The following KSR2 variants were observed in gnomAD, a reference collection of about 807,000 sequenced individuals.
KSR2 encodes the protein kinase suppressor of ras 2.
In KSR2, 25 loss-of-function variants were observed where a neutral mutation model predicts 107.8. The ratio of observed to expected loss-of-function variants is 0.23; its 90% CI spans 0.17 to 0.32. The LOEUF is 0.32. Among genes scored for constraint, KSR2 ranks in the 10% least tolerant of loss-of-function variants. The pLI is 1.00. For synonymous variants in KSR2, 480 were observed against 507.0 expected, an observed-to-expected ratio of 0.95 and a Z score of 0.71; for missense variants, 887 against 1,268.9, an observed-to-expected ratio of 0.70 and a Z score of 4.57.
intron 5 of KSR2, among the ~76,000 whole-genome samples, chr12:117,657,517 G>A (rs1025951801): frequency 6.6e-6 from 1 of 152,188 alleles, no homozygotes; most frequent in African/African-American, 2.4e-5. Context: ...ATAAAGAGCT[G>A]CTTATTTTTC....
chr12:117,847,698 C>CCTGCCCACCTGTCTGGCT (rs1171070351), intron 3 of KSR2, among the ~76,000 whole-genome samples: 1 of 152,190 alleles, frequency 6.6e-6, no homozygotes, highest in Non-Finnish European at 1.5e-5. Context: ...GGGGGCTGGC[C>CCTGCCCACCTGTCTGGCT]CTGCCCACCT....
chr12:117,850,271 G>A (rs138742160), intron 3 of KSR2, among the ~76,000 whole-genome samples: 241 of 152,226 alleles, frequency 1.6e-3, no homozygotes, highest in Middle Eastern at 0.014. Flanking sequence ...GGTAGCCAAG[G>A]CAAGAGGTCA....
At chr12:117,697,485 G>A (rs193100884) in intron 4 of KSR2, among the ~76,000 whole-genome samples, 1 of 152,340 alleles carries the variant, frequency 6.6e-6, no homozygotes, top group Admixed American at 6.5e-5. Flanking sequence ...GCCCATGCCT[G>A]TAACCCTAGC....
intron 14 of KSR2, among the ~76,000 whole-genome samples, chr12:117,507,099 C>T (rs922244350): frequency 6.6e-6 from 1 of 152,202 alleles, no homozygotes; most frequent in Non-Finnish European, 1.5e-5. Flanking sequence ...CTATTTGCCC[C>T]TCACATCTGC....
At chr12:117,614,486 GACCATATCTCC>G (rs1288559739) in intron 5 of KSR2, among the ~76,000 whole-genome samples, 3 of 152,160 alleles carry the variant, frequency 2.0e-5, no homozygotes, top group Non-Finnish European at 4.4e-5. Context: ...AAACTTTCTG[GACCATATCTCC>G]CTGGGTGGGC....
At chr12:117,484,624 T>A (rs1227577587) in intron 15 of KSR2, 75 bp from the exon 16 acceptor site, 40 of 1,486,268 alleles carry the variant, frequency 2.7e-5, no homozygotes, top group Non-Finnish European at 3.6e-5. Context: ...TGAGTTCACA[T>A]TCCTTGTCCT....
chr12:117,562,383 G>T (rs776670982), intron 7 of KSR2, among the ~76,000 whole-genome samples: 1 of 152,148 alleles, frequency 6.6e-6, no homozygotes, highest in Non-Finnish European at 1.5e-5. Context: ...TGTTTGGGAA[G>T]CCCTGAGCTG....
rs556091588 is a variant in KSR2 at position 117,487,889 on chromosome 12, T to C, written c.2220-2198A>G. 3.9e-5 allele frequency among the ~76,000 whole-genome samples: 6 copies of C among 152,302 alleles called. No individual in the cohort carries two copies. In the South Asian group the frequency reaches 1.2e-3, roughly 32 times the overall value. On this transcript the variant is annotated intron_variant, in intron 14 of 19. Coordinates refer to ENST00000339824, the MANE Select transcript of KSR2 (RefSeq NM_173598.6). ...AACTACCGCACCAGTTTGGCACAGC[T>C]ACTAAAGTGAAATATACATACAAAT... is the stretch of plus-strand genomic sequence containing the variant.
rs544978350 is a variant in KSR2 at position 117,805,887 on chromosome 12, C to A, written c.473-44363G>T. On this transcript the variant is annotated intron_variant, in intron 3 of 19. Coordinates refer to ENST00000339824, the MANE Select transcript of KSR2 (RefSeq NM_173598.6). ...ATCCCAGCTATTTGGGAAGCTGAGG[C>A]ACAAGAACTGCTTGAACACAGGAGG... Among the ~76,000 whole-genome samples, 13 of 152,240 alleles carry A rather than the reference C, an allele frequency of 8.5e-5. No individual in the cohort carries two copies. The East Asian group carries it at 1.4e-3, about 16-fold the overall frequency.
chr12:117,541,234 GCA>G, intron 9 of KSR2, among the ~76,000 whole-genome samples: 2 of 147,178 alleles, frequency 1.4e-5, no homozygotes, highest in African/African-American at 5.2e-5. Context: ...GGCATGGGAG[GCA>G]GGGAGGCAGG....
chr12:117,617,075 G>A (rs1460066664), intron 5 of KSR2, among the ~76,000 whole-genome samples: 2 of 152,132 alleles, frequency 1.3e-5, no homozygotes, highest in African/African-American at 2.4e-5. Context: ...GGCACTCCTT[G>A]AAGCCAAAGC....
intron 3 of KSR2, among the ~76,000 whole-genome samples, chr12:117,812,634 G>A (rs537838185): frequency 6.3e-4 from 96 of 151,720 alleles, no homozygotes; most frequent in African/African-American, 2.0e-3. Context: ...ATAAAACACT[G>A]AAAAAAGAAA....
chr12:117,759,777 T>A (rs920237979), intron 4 of KSR2, among the ~76,000 whole-genome samples: 2 of 152,226 alleles, frequency 1.3e-5, no homozygotes, highest in Admixed American at 1.3e-4. Context: ...CTTAGCATGC[T>A]GTCTTCAAGG....
At chr12:117,784,473 T>C (rs1008470062) in intron 3 of KSR2, among the ~76,000 whole-genome samples, 2 of 152,214 alleles carry the variant, frequency 1.3e-5, no homozygotes, top group African/African-American at 2.4e-5. Context: ...GTCTCACGTA[T>C]GTCTTTATTA....
intron 4 of KSR2, among the ~76,000 whole-genome samples, chr12:117,685,897 C>G (rs7973539): frequency 0.17 from 25,649 of 152,158 alleles, 2,395 homozygotes; most frequent in East Asian, 0.31. Flanking sequence ...TGATTCCCCC[C>G]CTGTAAAAAG....
chr12:117,897,619 C>T lies in KSR2; in HGVS notation c.181-37188G>A, dbSNP rs538051078. On this transcript the variant is annotated intron_variant, in intron 1 of 19. Coordinates refer to ENST00000339824, the MANE Select transcript of KSR2 (RefSeq NM_173598.6). The surrounding 1 kb of genome is among the most constrained non-coding windows in gnomAD (Gnocchi z 4.5). The stretch of plus-strand genomic sequence containing the variant: ...CTGGAGCGGGGAAGGAAAATTCTCC[C>T]CCTGTGGAAATCCCCTTTGGTACAA... 6.6e-6 allele frequency among the ~76,000 whole-genome samples: 1 copy of T among 152,128 alleles called. No individual in the cohort carries two copies. Among genetic ancestry groups the T allele is most frequent in the African/African-American group, 2.4e-5 (1 of 41,512 alleles).
Position 117,968,846 on chromosome 12 carries a change from C to T in KSR2, c.-591G>A. ...TCTCAAGGTGCTGTCTGCATTGCTC[C>T]CGCGGCTGCGGCGGCTACTGCGGCT... On this transcript the variant is annotated 5_prime_UTR_variant, in exon 1 of 20. Transcript: ENST00000339824. 4.6e-6 allele frequency: 1 copy of T among 215,062 alleles called. No individual in the cohort carries two copies. Among genetic ancestry groups the T allele is most frequent in the Non-Finnish European group, 9.4e-6 (1 of 106,514 alleles). 13.3% of individuals were successfully genotyped at this position (215,062 alleles called of 1,614,324 possible).
Position 117,469,787 on chromosome 12 carries a change from A to G in KSR2, c.2721T>C (p.Leu907=), listed in dbSNP as rs768822840. 90 of 1,613,888 alleles carry G rather than the reference A, an allele frequency of 5.6e-5. No individual in the cohort carries two copies. In the East Asian group the frequency reaches 2.0e-3, roughly 35 times the overall value. Residue 907 remains leucine, a synonymous_variant, in exon 19 of 20, where the codon CTT becomes CTC. Coordinates refer to ENST00000339824, the MANE Select transcript of KSR2 (RefSeq NM_173598.6). ...CTTGTTCAAAGGCCCAGCAGAAGAG[A>G]AGAATGTCCTAAATGAAACCAATGT... ...IGMGKEISDI[L]LFCWAFEQEE...
At chr12:117,486,424 C>T (rs1413044927) in intron 14 of KSR2, among the ~76,000 whole-genome samples, 1 of 152,190 alleles carries the variant, frequency 6.6e-6, no homozygotes, top group Non-Finnish European at 1.5e-5. Context: ...CAGGCACCCA[C>T]AAGCTGTCAC....
Sources: allele counts gnomAD v4.1 joint callset (sites outside exome capture counted in the v4.1 genomes callset), GRCh38; gene constraint gnomAD v4.1.1; non-coding constraint Gnocchi (gnomAD v3.1); transcripts MANE v1.5; gene names NCBI Gene and HGNC (gene_info 2026-07-23, HGNC 2026-07-21).